Variants in USP8 observed in about 807,000 individuals in gnomAD.
The protein encoded by USP8 is ubiquitin specific peptidase 8.
In USP8, 27 loss-of-function variants were observed where a neutral mutation model predicts 130.0. The ratio of observed to expected loss-of-function variants is 0.21; its 90% confidence interval spans 0.15 to 0.29. The LOEUF (loss-of-function observed/expected upper bound fraction) is 0.29, where lower values mean the gene tolerates loss of function less well. Among genes scored for constraint, USP8 ranks in the 10% least tolerant of loss-of-function variants. The pLI is 1.00. For synonymous variants in USP8, 392 were observed against 444.1 expected, an observed-to-expected ratio of 0.88 and a Z score of 1.48; for missense variants, 1,029 against 1,312.2, an observed-to-expected ratio of 0.78 and a Z score of 3.33.
Position 50,462,323 on chromosome 15 carries a change from G to GT in USP8, c.541+2dup. On this transcript the variant is annotated splice_donor_variant, in intron 6 of 19. Transcript: ENST00000307179. LOFTEE classifies it high-confidence loss of function. ...GAAAAATGTGAGACCAAAGAGAAAG[G>GT]TAAGTGTGTACAGAAGGAGGAAGTT... 6.2e-7 allele frequency: 1 copy of GT among 1,600,942 alleles called. No homozygotes were observed. Among genetic ancestry groups the GT allele is most frequent in the Non-Finnish European group, 8.5e-7 (1 of 1,176,242 alleles).
chr15:50,470,482 C>T (rs1473629277), intron 7 of USP8, among the ~76,000 whole-genome samples: 1 of 152,070 alleles, frequency 6.6e-6, no homozygotes, highest in Non-Finnish European at 1.5e-5. Flanking sequence ...AAGAGCATGC[C>T]TGGATGAACC....
rs988698057 is a variant in USP8 at position 50,506,023 on chromosome 15, C to G, written c.*6935C>G. The G allele has an allele frequency of 6.6e-6, 1 of 152,170 alleles. No individual in the cohort carries two copies. The highest frequency in any genetic ancestry group is 2.4e-5 in the African/African-American group (1 of 41,442). The allele number at this position is 152,170 out of a possible 1,614,324, so 9.4% of individuals were successfully genotyped here. A position where few individuals can be genotyped will look rare whatever the true frequency, so the allele number is the denominator to read the frequency against. Reference sequence around the variant, plus strand: ...GAATTACAGTGTTCTAAGAGCTTTCCATTTCTTTGGGAGCAGAGTATAAAG... The same window carrying G: ...GAATTACAGTGTTCTAAGAGCTTTCGATTTCTTTGGGAGCAGAGTATAAAG... On this transcript the variant is annotated 3_prime_UTR_variant, in exon 20 of 20. Coordinates refer to ENST00000307179, the MANE Select transcript of USP8 (RefSeq NM_005154.5).
chr15:50,426,387 A>G (rs2049725189), intron 1 of USP8, among the ~76,000 whole-genome samples: 1 of 152,226 alleles, frequency 6.6e-6, no homozygotes, highest in African/African-American at 2.4e-5. Context: ...CTATTGCTGC[A>G]TAACAAATCA....
At position 50,481,773 on chromosome 15, in the gene USP8, A is replaced by G. The variant is rs756297512; in HGVS notation, c.1511A>G (p.Lys504Arg). 1.3e-6 allele frequency: 2 copies of G among 1,565,674 alleles called. No individual in the cohort carries two copies. The highest frequency in any genetic ancestry group is 2.0e-5 in the Admixed American group (1 of 49,520). ...AAGGAAGAACAAGAACAAAAAGCCAAAAAGAAACAAGAAGCTGAAGAAAAT... is the reference window on the plus strand; with the variant it reads ...AAGGAAGAACAAGAACAAAAAGCCAGAAAGAAACAAGAAGCTGAAGAAAAT... ...LRKEEQEQKA[K>R]KKQEAEENEI... The change falls in exon 11 of 20, where the codon AAA (lysine) becomes AGA (arginine). Residue 504 changes from lysine (K) to arginine (R), a missense_variant. Physicochemically the swap from Lys to Arg is conservative, Grantham distance 26 (BLOSUM62 2). This residue lies in a region of USP8 where 486 missense variants were observed against 522.0 expected (regional missense o/e 0.93). Transcript: ENST00000307179.
rs749808011 is a variant in USP8 at position 50,441,485 on chromosome 15, C to G, written c.241C>G (p.Gln81Glu). The G allele has an allele frequency of 7.0e-6, 11 of 1,570,324 alleles. No individual in the cohort carries two copies. Among genetic ancestry groups the G allele is most frequent in the Non-Finnish European group, 9.4e-6 (11 of 1,166,350 alleles). Residue 81 changes from glutamine to glutamate, a missense_variant, in exon 3 of 20, where the codon CAA becomes GAA. Coordinates refer to ENST00000307179, the MANE Select transcript of USP8 (RefSeq NM_005154.5). ...TATCAAAAAAAGACCTGATTTCAAG[C>G]AACAGCAGGTACCTTTTATTTTTGC... ...NLIKKRPDFKQQQDYFHSILG... is the reference protein window; with the variant it reads ...NLIKKRPDFKEQQDYFHSILG...
intron 15 of USP8, chr15:50,493,117 A>G (rs1374282614): frequency 1.5e-6 from 1 of 651,326 alleles, no homozygotes; most frequent in African/African-American, 1.8e-5. Context: ...TTTTTGCTGC[A>G]TCCTCACAGG....
intron 2 of USP8, among the ~76,000 whole-genome samples, chr15:50,439,543 C>CT (rs2141254235): frequency 6.6e-6 from 1 of 152,220 alleles, no homozygotes; most frequent in East Asian, 1.9e-4. Flanking sequence ...AATCCCAGCA[C>CT]TTTGGGAGGC....
chr15:50,433,902 G>A (rs2050012588), intron 1 of USP8, among the ~76,000 whole-genome samples: 1 of 152,230 alleles, frequency 6.6e-6, no homozygotes. Flanking sequence ...ACTGTGCACG[G>A]CTGCATTTTC....
chr15:50,475,034 A>G (rs551922167), intron 8 of USP8, among the ~76,000 whole-genome samples: 2 of 152,284 alleles, frequency 1.3e-5, no homozygotes, highest in South Asian at 4.1e-4. Flanking sequence ...GCTGGAACCC[A>G]GTGGGCAGAG....
chr15:50,456,506 A>G (rs2050793526), intron 4 of USP8, among the ~76,000 whole-genome samples: 1 of 150,826 alleles, frequency 6.6e-6, no homozygotes, highest in African/African-American at 2.4e-5. Flanking sequence ...CCTGAGATGC[A>G]GAGGTTTCAG....
intron 11 of USP8, among the ~76,000 whole-genome samples, chr15:50,483,787 C>T (rs954115735): frequency 6.7e-6 from 1 of 149,114 alleles, no homozygotes; most frequent in African/African-American, 2.5e-5. Flanking sequence ...GAGCGAGACT[C>T]GGTCTCCAAA....
chr15:50,427,021 T>G (rs776239720), intron 1 of USP8: 10 of 151,458 alleles, frequency 6.6e-5, no homozygotes, highest in Non-Finnish European at 1.2e-4. Context: ...GTGTACGATC[T>G]CAGCTCACTG....
chr15:50,440,266 C>G (rs568613791), intron 2 of USP8, among the ~76,000 whole-genome samples: 30 of 152,234 alleles, frequency 2.0e-4, no homozygotes, highest in Admixed American at 7.8e-4. Context: ...GGCCTAAGAC[C>G]GTTTATTCCT....
At chr15:50,450,898 A>T (rs2050610881) in intron 4 of USP8, among the ~76,000 whole-genome samples, 1 of 152,172 alleles carries the variant, frequency 6.6e-6, no homozygotes, top group Non-Finnish European at 1.5e-5. Flanking sequence ...AACCAAAAGC[A>T]TTCTCAGCAA....
At chr15:50,490,573 A>C in intron 14 of USP8, 48 bp downstream of exon 14, 2 of 1,583,344 alleles carry the variant, frequency 1.3e-6, no homozygotes, top group Non-Finnish European at 8.6e-7. Flanking sequence ...CTGTATTTCA[A>C]AGTTTCTACT....
chr15:50,443,243 G>T (rs1360401137), intron 3 of USP8, among the ~76,000 whole-genome samples: 1 of 149,918 alleles, frequency 6.7e-6, no homozygotes, highest in Non-Finnish European at 1.5e-5. Flanking sequence ...GTTTCACCAT[G>T]TTGGCCCAGC....
chr15:50,439,137 A>G lies in USP8; in HGVS notation c.64A>G (p.Lys22Glu). Residue 22 changes from lysine (K) to glutamate (E), a missense_variant, in exon 2 of 20, where the codon AAG becomes GAG. By Grantham distance (56) the Lys-to-Glu change is moderately conservative. This residue lies in a region of USP8 where 281 missense variants were observed against 336.7 expected (regional missense o/e 0.83). Transcript: ENST00000307179. ...YLSSSLKDLN[K>E]KTEVKPEKIS... ...CAGTTCTTCACTAAAAGACCTTAAT[A>G]AGAAGACAGAAGTTAAACCAGAGAA... The G allele has an allele frequency of 6.3e-7, 1 of 1,586,736 alleles. No homozygotes were observed. Among genetic ancestry groups the G allele is most frequent in the Non-Finnish European group, 8.5e-7 (1 of 1,171,764 alleles).
chr15:50,458,238 G>A (rs769043011), intron 4 of USP8, among the ~76,000 whole-genome samples: 16 of 152,052 alleles, frequency 1.1e-4, no homozygotes, highest in Non-Finnish European at 1.6e-4. Flanking sequence ...TGCATCCTCC[G>A]CCTTCCCAGT....
At chr15:50,449,633 G>A (rs928611666) in intron 4 of USP8, 148 bp downstream of exon 4, 31 of 426,580 alleles carry the variant, frequency 7.3e-5, no homozygotes, top group Non-Finnish European at 8.4e-5. Context: ...CCATGCTGGA[G>A]TGCAGTGGCG....
Sources: allele counts gnomAD v4.1 joint callset (sites outside exome capture counted in the v4.1 genomes callset), GRCh38; gene constraint gnomAD v4.1.1; regional missense constraint gnomAD v4.1.1; transcripts MANE v1.5; gene names NCBI Gene and HGNC (gene_info 2026-07-23, HGNC 2026-07-21).